Variants in RNLS observed in about 807,000 individuals in gnomAD.
The protein encoded by RNLS is renalase.
A neutral mutation model predicts 39.8 loss-of-function variants in RNLS; 39 were observed. The observed-to-expected ratio is 0.98, with a 90% CI of 0.76 to 1.28. The LOEUF (loss-of-function observed/expected upper bound fraction) is 1.28. Ranked by LOEUF, RNLS falls within the 50% of genes most tolerant of loss-of-function variation. The pLI is 0.00. For missense variants in RNLS, 410 were observed against 413.3 expected, an observed-to-expected ratio of 0.99 and a Z score of 0.07; for synonymous variants, 147 against 150.7, an observed-to-expected ratio of 0.98 and a Z score of 0.18.
In RNLS at chr10:88,480,231, G is replaced by A. The variant is rs112045387; in HGVS notation, c.526+92672C>T. Among the ~76,000 whole-genome samples, 1,344 of 152,240 alleles carry A rather than the reference G, an allele frequency of 8.8e-3. 18 individuals carry two copies. Among genetic ancestry groups the A allele is most frequent in the African/African-American group, 0.03 (1,253 of 41,538 alleles). On this transcript the variant is annotated intron_variant, in intron 4 of 6. Coordinates refer to ENST00000331772, the MANE Select transcript of RNLS (RefSeq NM_001031709.3). ...GCATATTCCACGTTCCTTTACCTAGGTAATCAATTAAGTACAAGTTCTTAG... is the reference window on the plus strand; with the variant it reads ...GCATATTCCACGTTCCTTTACCTAGATAATCAATTAAGTACAAGTTCTTAG...
chr10:88,310,055 A>C (rs1845239153), intron 6 of RNLS, among the ~76,000 whole-genome samples: 1 of 152,032 alleles, frequency 6.6e-6, no homozygotes, highest in Admixed American at 6.5e-5. Context: ...TCTACAAAAA[A>C]ATACAAAAAA....
intron 6 of RNLS, among the ~76,000 whole-genome samples, chr10:88,300,524 T>C (rs1844436638): frequency 6.6e-6 from 1 of 152,242 alleles, no homozygotes; most frequent in South Asian, 2.1e-4. Flanking sequence ...TTGAAGGATT[T>C]AGCTCAAGTG....
intron 5 of RNLS, among the ~76,000 whole-genome samples, chr10:88,325,792 TA>T (rs1299275171): frequency 6.6e-6 from 1 of 152,224 alleles, no homozygotes; most frequent in Non-Finnish European, 1.5e-5. Flanking sequence ...TCTTGAATTG[TA>T]ATCCCTATAA....
intron 4 of RNLS, among the ~76,000 whole-genome samples, chr10:88,429,842 T>C (rs1238056376): frequency 6.6e-6 from 1 of 151,894 alleles, no homozygotes; most frequent in East Asian, 1.9e-4. Flanking sequence ...CAAAAATCAA[T>C]TGTCTATATA....
chr10:88,180,908 AT>A, the RNLS span, among the ~76,000 whole-genome samples: 1 of 152,152 alleles, frequency 6.6e-6, no homozygotes, highest in Non-Finnish European at 1.5e-5. Flanking sequence ...TATGCCAGTA[AT>A]TTTTTAACAC....
intron 5 of RNLS, among the ~76,000 whole-genome samples, chr10:88,334,634 T>C (rs540976344): frequency 1.3e-5 from 2 of 152,338 alleles, no homozygotes; most frequent in South Asian, 4.1e-4. Flanking sequence ...TATCACATTG[T>C]ATTTTCATTG....
the RNLS span, among the ~76,000 whole-genome samples, chr10:88,240,109 A>C: frequency 6.6e-6 from 1 of 152,272 alleles, no homozygotes; most frequent in Non-Finnish European, 1.5e-5. Context: ...TTTCAAAGTT[A>C]AAATACTTTT....
intron 4 of RNLS, among the ~76,000 whole-genome samples, chr10:88,506,057 T>C (rs775268633): frequency 6.6e-6 from 1 of 152,124 alleles, no homozygotes; most frequent in Non-Finnish European, 1.5e-5. Context: ...TCCCTCTAGA[T>C]GGCTCTGAAA....
chr10:88,426,287 A>G (rs1854750306), intron 4 of RNLS, among the ~76,000 whole-genome samples: 1 of 152,110 alleles, frequency 6.6e-6, no homozygotes, highest in Non-Finnish European at 1.5e-5. Context: ...TCCTGTTCCA[A>G]TGAAGTAGGC....
chr10:88,270,625 G>A (rs1842622961), downstream of RNLS, among the ~76,000 whole-genome samples: 1 of 152,080 alleles, frequency 6.6e-6, no homozygotes, highest in African/African-American at 2.4e-5. Flanking sequence ...CTCAATACTT[G>A]TCCAATAGTA....
intron 4 of RNLS, among the ~76,000 whole-genome samples, chr10:88,518,292 G>C (rs1370329166): frequency 6.6e-6 from 1 of 151,792 alleles, no homozygotes; most frequent in Non-Finnish European, 1.5e-5. Context: ...GCAAAATATA[G>C]TATGCATCTG....
intron 5 of RNLS, among the ~76,000 whole-genome samples, chr10:88,347,885 C>T (rs1162570819): frequency 1.3e-5 from 2 of 152,096 alleles, no homozygotes; most frequent in African/African-American, 4.8e-5. Context: ...CATTTTCAAA[C>T]TAGCATCTTA....
chr10:88,491,310 G>C (rs186136097), intron 4 of RNLS, among the ~76,000 whole-genome samples: 1 of 152,104 alleles, frequency 6.6e-6, no homozygotes, highest in African/African-American at 2.4e-5. Flanking sequence ...ACATTATTTC[G>C]GGATAAGAGT....
the RNLS span, among the ~76,000 whole-genome samples, chr10:88,217,581 A>G: frequency 3.9e-5 from 6 of 152,078 alleles, no homozygotes; most frequent in Non-Finnish European, 7.4e-5. Context: ...ATTCAGAAAA[A>G]TAAAACAGAG....
Position 88,456,437 on chromosome 10 carries a change from A to T in RNLS, c.527-93712T>A, listed in dbSNP as rs1282173070. Among the ~76,000 whole-genome samples, 3 of 152,208 alleles carry T rather than the reference A, an allele frequency of 2.0e-5. No individual in the cohort carries two copies. The South Asian group carries it at 6.2e-4, about 32-fold the overall frequency. ...AAGGTAAAAATATGAGTATGAGAAA[A>T]TGTTAGAAATTGTAGGGACCATGGT... On this transcript the variant is annotated intron_variant, in intron 4 of 6. Transcript: ENST00000331772.
intron 6 of RNLS, 77 bp from the exon 7 acceptor site, chr10:88,285,583 G>A: frequency 2.4e-6 from 3 of 1,257,854 alleles, no homozygotes; most frequent in Non-Finnish European, 3.4e-6. Flanking sequence ...ACCTGGAAAA[G>A]GTTAGTCTAC....
intron 4 of RNLS, among the ~76,000 whole-genome samples, chr10:88,518,623 A>C (rs2437871): frequency 0.44 from 66,710 of 151,116 alleles, 15,056 homozygotes; most frequent in East Asian, 0.59. Flanking sequence ...ATCAAATACA[A>C]ACAGATGGAA....
intron 4 of RNLS, among the ~76,000 whole-genome samples, chr10:88,437,430 TATA>T (rs1841474192): frequency 6.6e-6 from 1 of 152,214 alleles, no homozygotes; most frequent in African/African-American, 2.4e-5. Flanking sequence ...ATATTTATCT[TATA>T]ATAAGAATTA....
intron 4 of RNLS, among the ~76,000 whole-genome samples, chr10:88,447,560 T>C (rs1022566313): frequency 1.3e-5 from 2 of 152,152 alleles, no homozygotes; most frequent in African/African-American, 4.8e-5. Flanking sequence ...GAAGAATCAA[T>C]ATCAGGAAAA....
Sources: allele counts gnomAD v4.1 joint callset (sites outside exome capture counted in the v4.1 genomes callset), GRCh38; gene constraint gnomAD v4.1.1; transcripts MANE v1.5; gene names NCBI Gene and HGNC (gene_info 2026-07-23, HGNC 2026-07-21).